Variants in HCN1 observed in about 807,000 individuals in gnomAD.
The protein encoded by HCN1 is potassium/sodium hyperpolarization-activated cyclic nucleotide-gated channel 1.
A neutral mutation model predicts 78.9 loss-of-function variants in HCN1; 13 were observed. The ratio of observed to expected loss-of-function variants is 0.16; its 90% CI spans 0.11 to 0.26. HCN1 has a LOEUF of 0.26. Among genes scored for constraint, HCN1 ranks in the 10% least tolerant of loss-of-function variants. The pLI, the probability that HCN1 is intolerant of heterozygous loss-of-function variation, is 1.00. For synonymous variants in HCN1, 552 were observed against 455.5 expected, an observed-to-expected ratio of 1.21 and a Z score of -2.70; for missense variants, 810 against 1,154.3, an observed-to-expected ratio of 0.70 and a Z score of 4.32.
chr5:45,406,147 A>G (rs1044848016), intron 3 of HCN1, among the ~76,000 whole-genome samples: 2 of 152,162 alleles, frequency 1.3e-5, no homozygotes, highest in African/African-American at 4.8e-5. Context: ...TACTATTTAT[A>G]AAACAGGCCC....
chr5:45,437,221 G>A (rs908973587), intron 3 of HCN1, among the ~76,000 whole-genome samples: 13 of 151,876 alleles, frequency 8.6e-5, no homozygotes, highest in Non-Finnish European at 1.5e-4. Flanking sequence ...GAATGAATCG[G>A]GTATGATCAA....
At chr5:45,313,745 T>C (rs754848955) in intron 5 of HCN1, among the ~76,000 whole-genome samples, 1 of 152,132 alleles carries the variant, frequency 6.6e-6, no homozygotes, top group Non-Finnish European at 1.5e-5. Flanking sequence ...GCCAATTCGA[T>C]CAACTGGAAG....
intron 4 of HCN1, among the ~76,000 whole-genome samples, chr5:45,384,088 A>G (rs1307914865): frequency 1.3e-5 from 2 of 152,192 alleles, no homozygotes. Context: ...TCTACTAAAT[A>G]GGGAGAATAA....
chr5:45,401,178 G>T (rs1739796635), intron 3 of HCN1, among the ~76,000 whole-genome samples: 1 of 152,128 alleles, frequency 6.6e-6, no homozygotes, highest in Non-Finnish European at 1.5e-5. Context: ...TTGCCAGATT[G>T]ATTTAAAAGG....
rs776850213 is a variant in HCN1 at position 45,262,646 on chromosome 5, T to C, written c.1948A>G (p.Thr650Ala). The change falls in exon 8 of 8, where the codon ACA becomes GCA. Residue 650 changes from threonine (T) to alanine (A), a missense_variant. Coordinates refer to ENST00000303230, the MANE Select transcript of HCN1 (RefSeq NM_021072.4). ...NYPQMTTLNSTSSTTTPTSRM... is the reference protein window; with the variant it reads ...NYPQMTTLNSASSTTTPTSRM... ...GAGGTCGGGGTCGTAGTAGACGATG[T>C]GGAATTCAGGGTTGTCATTTGAGGA... The C allele has an allele frequency of 1.2e-6, 2 of 1,613,968 alleles. No homozygotes were observed. Among genetic ancestry groups the C allele is most frequent in the Non-Finnish European group, 1.7e-6 (2 of 1,180,004 alleles).
intron 2 of HCN1, among the ~76,000 whole-genome samples, chr5:45,609,413 T>A (rs1244730269): frequency 6.6e-6 from 1 of 152,112 alleles, no homozygotes; most frequent in East Asian, 1.9e-4. Context: ...AACTGTTGCA[T>A]TTTTTCCCTT....
intron 5 of HCN1, among the ~76,000 whole-genome samples, chr5:45,340,298 T>A (rs1338967285): frequency 6.6e-6 from 1 of 152,234 alleles, no homozygotes; most frequent in African/African-American, 2.4e-5. Context: ...GAGAATTTTC[T>A]GCCTAGAAGA....
intron 2 of HCN1, among the ~76,000 whole-genome samples, chr5:45,543,641 T>A (rs1390158849): frequency 6.6e-6 from 1 of 152,110 alleles, no homozygotes; most frequent in African/African-American, 2.4e-5. Context: ...AATTTCCTAA[T>A]CCTGGTAAGC....
chr5:45,502,488 C>T (rs1742210655), intron 2 of HCN1, among the ~76,000 whole-genome samples: 1 of 152,118 alleles, frequency 6.6e-6, no homozygotes, highest in African/African-American at 2.4e-5. Flanking sequence ...CATGATTAAA[C>T]TATCTTGGCT....
chr5:45,345,232 C>G (rs992571802), intron 5 of HCN1, among the ~76,000 whole-genome samples: 3 of 152,204 alleles, frequency 2.0e-5, no homozygotes, highest in Admixed American at 1.3e-4. Context: ...AGGCTGCACA[C>G]AGCAGGCAGC....
In HCN1 at chr5:45,297,020, A is replaced by G. The variant is rs184564123; in HGVS notation, c.1618+6579T>C. The stretch of plus-strand genomic sequence containing the variant: ...AAGAATTAAAGACACACACACAGAA[A>G]TATAGAGGTGTGATGTGGGAAATCA... On this transcript the variant is annotated intron_variant, in intron 6 of 7. Transcript: ENST00000303230. 7.2e-5 allele frequency among the ~76,000 whole-genome samples: 11 copies of G among 152,140 alleles called. No homozygotes were observed. The East Asian group carries it at 1.9e-3, about 27-fold the overall frequency.
chr5:45,657,161 T>C (rs1288884918), intron 1 of HCN1, among the ~76,000 whole-genome samples: 2 of 152,124 alleles, frequency 1.3e-5, no homozygotes, highest in Non-Finnish European at 2.9e-5. Context: ...TGAGTTTCTT[T>C]AATTTTCTGA....
intron 2 of HCN1, among the ~76,000 whole-genome samples, chr5:45,492,511 G>GTTTTTTTTT (rs1161210401): frequency 1.0e-5 from 1 of 99,304 alleles, no homozygotes; most frequent in Non-Finnish European, 1.9e-5. Context: ...ACCAGCAACA[G>GTTTTTTTTT]TTTTTTTGTT....
intron 1 of HCN1, among the ~76,000 whole-genome samples, chr5:45,691,829 G>C (rs1739918738): frequency 6.6e-6 from 1 of 152,180 alleles, no homozygotes; most frequent in East Asian, 1.9e-4. Flanking sequence ...TCTGATATCA[G>C]TACAGTTGTG....
At chr5:45,471,476 T>C (rs1049488767) in intron 2 of HCN1, among the ~76,000 whole-genome samples, 1 of 151,928 alleles carries the variant, frequency 6.6e-6, no homozygotes, top group African/African-American at 2.4e-5. Context: ...CTTCCTCCCC[T>C]TGTCTTTCAA....
chr5:45,653,776 G>A (rs1172881185), intron 1 of HCN1, among the ~76,000 whole-genome samples: 2 of 151,998 alleles, frequency 1.3e-5, no homozygotes, highest in Non-Finnish European at 2.9e-5. Flanking sequence ...ATTGTGGGTG[G>A]GGGGAGAGGG....
intron 5 of HCN1, among the ~76,000 whole-genome samples, chr5:45,317,162 A>G (rs1373253746): frequency 6.6e-6 from 1 of 152,204 alleles, no homozygotes; most frequent in African/African-American, 2.4e-5. Context: ...CCTGACTTCA[A>G]ACTACACTAC....
intron 5 of HCN1, among the ~76,000 whole-genome samples, chr5:45,342,167 G>T (rs183374942): frequency 6.6e-6 from 1 of 151,828 alleles, no homozygotes; most frequent in Admixed American, 6.6e-5. Flanking sequence ...GAAATGAAGT[G>T]AATATTTTTA....
chr5:45,293,771 TA>T (rs1382807523), intron 6 of HCN1, among the ~76,000 whole-genome samples: 1 of 151,936 alleles, frequency 6.6e-6, no homozygotes, highest in Admixed American at 6.6e-5. Flanking sequence ...GAGGTGAGGA[TA>T]AAGTGACTAG....
Sources: allele counts gnomAD v4.1 joint callset (sites outside exome capture counted in the v4.1 genomes callset), GRCh38; gene constraint gnomAD v4.1.1; transcripts MANE v1.5; gene names NCBI Gene and HGNC (gene_info 2026-07-23, HGNC 2026-07-21).